ADGRL3: variants seen among roughly 807,000 people sequenced by gnomAD.
ADGRL3 encodes adhesion G protein-coupled receptor L3.
Under a neutral mutation model 153.5 loss-of-function variants are expected in ADGRL3, and 62 were observed. That is an observed-to-expected ratio of 0.40 (90% CI 0.33 to 0.50). ADGRL3 has a LOEUF of 0.50. Ranked by LOEUF, ADGRL3 falls within the 20% of genes least tolerant of loss-of-function variation. The pLI is 0.47. For missense variants in ADGRL3, 1,641 were observed against 1,859.4 expected, an observed-to-expected ratio of 0.88 and a Z score of 2.16; for synonymous variants, 710 against 672.5, an observed-to-expected ratio of 1.06 and a Z score of -0.86.
chr4:61,938,453 T>C lies in ADGRL3; in HGVS notation c.2419+2408T>C, dbSNP rs550066693. Among the ~76,000 whole-genome samples, 22 of 152,300 alleles carry C rather than the reference T, an allele frequency of 1.4e-4. No individual in the cohort carries two copies. The East Asian group carries it at 2.5e-3, about 17-fold the overall frequency. On this transcript the variant is annotated intron_variant, in intron 15 of 26. Transcript: ENST00000683033. Reference sequence around the variant, plus strand: ...TTATGTAGCTCTCATCATAATCTCTTTGCTGGATTACTGAAATGATAATGG... The same window carrying C: ...TTATGTAGCTCTCATCATAATCTCTCTGCTGGATTACTGAAATGATAATGG...
chr4:61,606,180 G>T (rs1490611470), intron 5 of ADGRL3, among the ~76,000 whole-genome samples: 5 of 152,170 alleles, frequency 3.3e-5, no homozygotes, highest in Non-Finnish European at 2.9e-5. Context: ...ATGGGCTAAA[G>T]GGGAAGTATG....
At chr4:62,056,246 A>G (rs1008780601) in intron 25 of ADGRL3, among the ~76,000 whole-genome samples, 5 of 151,878 alleles carry the variant, frequency 3.3e-5, no homozygotes, top group Admixed American at 2.0e-4. Context: ...CCATAATGCA[A>G]TCTTAAGGTC....
chr4:61,998,131 C>G (rs763319494), intron 20 of ADGRL3, 43 bp from the exon 21 acceptor site: 11 of 1,110,702 alleles, frequency 9.9e-6, no homozygotes, highest in Non-Finnish European at 1.4e-5. Context: ...CTTTTTTGTT[C>G]CTACTCCAAT....
rs539153712 is a variant in ADGRL3 at position 61,551,609 on chromosome 4, C to T, written c.259+34091C>T. 2.5e-4 allele frequency among the ~76,000 whole-genome samples: 38 copies of T among 152,174 alleles called. No individual in the cohort carries two copies. In the South Asian group the frequency reaches 6.2e-3, roughly 25 times the overall value. On this transcript the variant is annotated intron_variant, in intron 4 of 26. Transcript: ENST00000683033. ...ATGTGACTCCTTTTGCTAAGATAAA[C>T]CAGGTTGTTTTCTCACCCCTTGGGT...
intron 16 of ADGRL3, among the ~76,000 whole-genome samples, chr4:61,947,882 TA>T (rs1288551246): frequency 3.9e-5 from 6 of 152,070 alleles, no homozygotes; most frequent in Non-Finnish European, 1.5e-5. Context: ...AGTGTTAATT[TA>T]AAAAAATAGT....
At chr4:61,709,420 T>A (rs1401634809) in intron 6 of ADGRL3, among the ~76,000 whole-genome samples, 2 of 152,232 alleles carry the variant, frequency 1.3e-5, no homozygotes, top group Non-Finnish European at 2.9e-5. Context: ...TTACCATTGA[T>A]CCTTCAGTCA....
intron 2 of ADGRL3, among the ~76,000 whole-genome samples, chr4:61,472,823 G>T (rs1207211630): frequency 1.3e-5 from 2 of 152,052 alleles, no homozygotes; most frequent in Admixed American, 6.6e-5. Context: ...GACCCTGAGA[G>T]AACTGATTTA....
At chr4:61,336,576 CGT>C (rs2095679576) in intron 1 of ADGRL3, among the ~76,000 whole-genome samples, 1 of 151,986 alleles carries the variant, frequency 6.6e-6, no homozygotes, top group Admixed American at 6.6e-5. Flanking sequence ...TTTTCCTCAG[CGT>C]GTGAGGGGTA....
At chr4:61,812,857 GAATT>G (rs1243246131) in intron 8 of ADGRL3, among the ~76,000 whole-genome samples, 1 of 152,092 alleles carries the variant, frequency 6.6e-6, no homozygotes, top group African/African-American at 2.4e-5. Context: ...AAGGAAGACA[GAATT>G]AATCCATCTA....
At chr4:61,899,115 C>G (rs1177305684) in intron 11 of ADGRL3, among the ~76,000 whole-genome samples, 1 of 152,180 alleles carries the variant, frequency 6.6e-6, no homozygotes, top group Admixed American at 6.5e-5. Context: ...CTCCATTTTA[C>G]AGGCTGCTCT....
At chr4:61,753,228 G>GAA (rs113199384) in intron 8 of ADGRL3, among the ~76,000 whole-genome samples, 61 of 99,878 alleles carry the variant, frequency 6.1e-4, no homozygotes, top group Admixed American at 1.0e-3. Flanking sequence ...ACATTTCTGT[G>GAA]AAAAAAAAAA....
At chr4:61,746,954 C>G (rs1465233039) in intron 8 of ADGRL3, among the ~76,000 whole-genome samples, 1 of 152,098 alleles carries the variant, frequency 6.6e-6, no homozygotes, top group Non-Finnish European at 1.5e-5. Context: ...AATTGATAGA[C>G]TGCCAGCAAG....
chr4:61,862,544 C>G lies in ADGRL3; in HGVS notation c.1481-30112C>G, dbSNP rs1161538096. Among the ~76,000 whole-genome samples the G allele has an allele frequency of 2.6e-5, 4 of 152,178 alleles. No homozygotes were observed. The East Asian group carries it at 7.7e-4, about 29-fold the overall frequency. On this transcript the variant is annotated intron_variant, in intron 9 of 26. Transcript: ENST00000683033. ...CAAAGCCTGTAGTTCTCCTCTCACA[C>G]ATGTTCCTTGATATTATGTCCCACC...
In ADGRL3 at chr4:61,497,515, C is replaced by CTTTT. The variant is rs5858707; in HGVS notation, c.55+182_55+185dup. Among the ~76,000 whole-genome samples, 27 of 95,254 alleles carry CTTTT rather than the reference C, an allele frequency of 2.8e-4. 1 individual carries two copies. Among genetic ancestry groups the CTTTT allele is most frequent in the Non-Finnish European group, 3.6e-4 (16 of 44,362 alleles). The allele number at this position is 95,254 out of a possible 152,430, so 62.5% of individuals were successfully genotyped here. The stretch of plus-strand genomic sequence containing the variant: ...CATAATGTGTATTTCCTTTTCTTTT[C>CTTTT]TTTTTTTTTTTTTTTTTTCAGTCAG... On this transcript the variant is annotated intron_variant, in intron 3 of 26. Coordinates refer to ENST00000683033, the MANE Select transcript of ADGRL3 (RefSeq NM_001387552.1).
chr4:61,967,511 G>A (rs1007292264), intron 17 of ADGRL3, among the ~76,000 whole-genome samples: 1 of 152,090 alleles, frequency 6.6e-6, no homozygotes, highest in Non-Finnish European at 1.5e-5. Context: ...TCAACAAAAA[G>A]GTTTGAGCAT....
intron 4 of ADGRL3, among the ~76,000 whole-genome samples, chr4:61,537,375 G>A (rs1003909658): frequency 6.6e-6 from 1 of 151,940 alleles, no homozygotes; most frequent in Non-Finnish European, 1.5e-5. Context: ...TTCAGCTTGT[G>A]TTGTATCTTG....
At chr4:61,501,061 GGACA>G (rs2098381791) in intron 3 of ADGRL3, among the ~76,000 whole-genome samples, 2 of 152,106 alleles carry the variant, frequency 1.3e-5, no homozygotes, top group Non-Finnish European at 1.5e-5. Context: ...CATGTTCTTG[GGACA>G]GACAGACTGT....
rs796595713 is a variant in ADGRL3 at position 61,414,674 on chromosome 4, GT to G, written c.-174+31495del. On this transcript the variant is annotated intron_variant, in intron 2 of 26. Coordinates refer to ENST00000683033, the MANE Select transcript of ADGRL3 (RefSeq NM_001387552.1). The stretch of plus-strand genomic sequence containing the variant: ...AGTCAAAATATGAGAATTGCTTTAT[GT>G]TTTTTTTTTGGAATAATATATCAAA... Among the ~76,000 whole-genome samples the G allele has an allele frequency of 1.5e-3, 221 of 146,096 alleles. 4 individuals are homozygous for G. In the South Asian group the frequency reaches 0.019, roughly 13 times the overall value.
At chr4:61,540,605 G>A (rs2098684606) in intron 4 of ADGRL3, among the ~76,000 whole-genome samples, 1 of 152,000 alleles carries the variant, frequency 6.6e-6, no homozygotes, top group Non-Finnish European at 1.5e-5. Context: ...TTTTCTTCAA[G>A]GGATGTAAGA....
Sources: allele counts gnomAD v4.1 joint callset (sites outside exome capture counted in the v4.1 genomes callset), GRCh38; gene constraint gnomAD v4.1.1; transcripts MANE v1.5; gene names NCBI Gene and HGNC (gene_info 2026-07-23, HGNC 2026-07-21).